Variants in POU2F2 observed in about 807,000 individuals in gnomAD.
POU2F2 encodes the protein POU class 2 homeobox 2.
Under a neutral mutation model 63.5 loss-of-function variants are expected in POU2F2, and 14 were observed. That is an observed-to-expected ratio of 0.22 (90% CI 0.15 to 0.34). The LOEUF (loss-of-function observed/expected upper bound fraction) is 0.34. Among genes scored for constraint, POU2F2 ranks in the 10% least tolerant of loss-of-function variants. POU2F2 has a pLI of 1.00. For missense variants in POU2F2, 607 were observed against 815.2 expected (o/e 0.74, Z 3.11); for synonymous variants, 306 against 348.6 (o/e 0.88, Z 1.36).
In POU2F2 at chr19:42,156,097, G is replaced by A. The variant is rs1028856747; in HGVS notation, c.-9+4235C>T. 1 of 152,156 alleles carries A rather than the reference G, an allele frequency of 6.6e-6. No individual in the cohort carries two copies. The highest frequency in any genetic ancestry group is 1.5e-5 in the Non-Finnish European group (1 of 68,044). 9.4% of individuals were successfully genotyped at this position (152,156 alleles called of 1,614,324 possible). A position where few individuals can be genotyped will look rare whatever the true frequency, so the allele number is the denominator to read the frequency against. On this transcript the variant is annotated intron_variant, in intron 2 of 6. Transcript: ENST00000524801. This position sits in a 1 kb window ranked among gnomAD's most constrained non-coding sequence, Gnocchi z 4.1. ...CCTCACCAGTGCTTCGAAGAGCCCT[G>A]AGGAACGTCTCTCTATTTGAAGTCA...
chr19:42,161,918 T>C (rs1389893087), intron 1 of POU2F2, among the ~76,000 whole-genome samples: 1 of 152,182 alleles, frequency 6.6e-6, no homozygotes, highest in Non-Finnish European at 1.5e-5. Context: ...CCGGGATCAA[T>C]AGGAAATTTA....
At chr19:42,157,596 G>C (rs1249306569) in intron 2 of POU2F2, 2 of 152,288 alleles carry the variant, frequency 1.3e-5, no homozygotes, top group Non-Finnish European at 2.9e-5. Flanking sequence ...GCCAGGGACT[G>C]AGTATAGACA....
chr19:42,097,318 C>A lies in POU2F2; in HGVS notation c.568-1075G>T, dbSNP rs1263499741. 3.9e-5 allele frequency among the ~76,000 whole-genome samples: 6 copies of A among 151,966 alleles called. No individual in the cohort carries two copies. In the East Asian group the frequency reaches 5.8e-4, roughly 15 times the overall value. On this transcript the variant is annotated intron_variant, in intron 7 of 14. Coordinates refer to ENST00000692977, the MANE Select transcript of POU2F2 (RefSeq NM_001394376.1). Reference sequence around the variant, plus strand: ...GTTCAAGTGATACTCCTGCCTCAGCCTCCCGAGTAGCTGGGATTATAGGCA... The same window carrying A: ...GTTCAAGTGATACTCCTGCCTCAGCATCCCGAGTAGCTGGGATTATAGGCA...
In POU2F2 at chr19:42,156,719, C is replaced by T. The variant is rs2034462781; in HGVS notation, c.-9+3613G>A. Reference sequence around the variant, plus strand: ...TGGCTTCTCCGGCTTGTCTGAAGAACCTGAACTGCCCTTAAGGCCTGCGCC... The same window carrying T: ...TGGCTTCTCCGGCTTGTCTGAAGAATCTGAACTGCCCTTAAGGCCTGCGCC... On this transcript the variant is annotated intron_variant, in intron 2 of 6. Coordinates refer to the POU2F2 transcript ENST00000524801. This position sits in a 1 kb window ranked among gnomAD's most constrained non-coding sequence, Gnocchi z 4.1. 1 of 152,228 alleles carries T rather than the reference C, an allele frequency of 6.6e-6. No homozygotes were observed. The highest frequency in any genetic ancestry group is 1.5e-5 in the Non-Finnish European group (1 of 68,068). The allele number at this position is 152,228 out of a possible 1,614,324, so 9.4% of individuals were successfully genotyped here.
At chr19:42,122,093 C>A (rs2032688780) in intron 4 of POU2F2, 33 bp downstream of exon 4, 2 of 1,590,064 alleles carry the variant, frequency 1.3e-6, no homozygotes. Flanking sequence ...CCAAGCGCTG[C>A]CCACTTCCCT....
intron 2 of POU2F2, among the ~76,000 whole-genome samples, chr19:42,137,618 C>T (rs899813001): frequency 4.6e-5 from 7 of 151,620 alleles, no homozygotes; most frequent in African/African-American, 1.2e-4. Context: ...CCCAGCTACT[C>T]GAGAGGCTGA....
chr19:42,131,771 A>C (rs2033756962), intron 1 of POU2F2, among the ~76,000 whole-genome samples: 1 of 152,184 alleles, frequency 6.6e-6, no homozygotes, highest in African/African-American at 2.4e-5. Flanking sequence ...TGACAGGATC[A>C]GTGCCAGTTT....
At chr19:42,150,149 G>A (rs919085539) in intron 2 of POU2F2, among the ~76,000 whole-genome samples, 3 of 151,990 alleles carry the variant, frequency 2.0e-5, no homozygotes, top group Non-Finnish European at 4.4e-5. Context: ...TGTGGCCATC[G>A]TCTCCCTGCC....
At chr19:42,177,979 G>A (rs2034916355), upstream of POU2F2, among the ~76,000 whole-genome samples, 1 of 151,936 alleles carries the variant, frequency 6.6e-6, no homozygotes, top group Non-Finnish European at 1.5e-5. Context: ...AGGGTGGGGA[G>A]CACAGGGGAC....
At chr19:42,098,894 C>G (rs1021166864) in intron 7 of POU2F2, among the ~76,000 whole-genome samples, 1 of 152,214 alleles carries the variant, frequency 6.6e-6, no homozygotes, top group Non-Finnish European at 1.5e-5. Context: ...GCCTGGAGAG[C>G]TGGCACCCTC....
At chr19:42,190,910 G>GA (rs1465715213) in intron 1 of POU2F2, among the ~76,000 whole-genome samples, 8 of 151,878 alleles carry the variant, frequency 5.3e-5, no homozygotes, top group Non-Finnish European at 8.8e-5. Flanking sequence ...GGTTAAGTGT[G>GA]TAACCTGAAA....
intron 1 of POU2F2, among the ~76,000 whole-genome samples, chr19:42,195,104 AGGG>A (rs1227750388): frequency 3.2e-4 from 21 of 65,168 alleles, no homozygotes; most frequent in East Asian, 2.2e-3. Context: ...GAAGGAAGGG[AGGG>A]AGGGAGGGAG....
In POU2F2 at chr19:42,153,590, G is replaced by A. The variant is rs924660860; in HGVS notation, c.-9+6742C>T. 6.6e-5 allele frequency among the ~76,000 whole-genome samples: 10 copies of A among 152,120 alleles called. No individual in the cohort carries two copies. The highest frequency in any genetic ancestry group is 1.9e-4 in the East Asian group (1 of 5,190). Reference sequence around the variant, plus strand: ...AGCTGCGTGTGCTTCAGGGATCTGCGCGGTGGTCTCTATGTGTACTGGAAG... The same window carrying A: ...AGCTGCGTGTGCTTCAGGGATCTGCACGGTGGTCTCTATGTGTACTGGAAG... On this transcript the variant is annotated intron_variant, in intron 2 of 6. Coordinates refer to the POU2F2 transcript ENST00000524801. This position sits in a 1 kb window ranked among gnomAD's most constrained non-coding sequence, Gnocchi z 5.6.
intron 1 of POU2F2, among the ~76,000 whole-genome samples, chr19:42,128,492 A>G (rs968468166): frequency 6.6e-6 from 1 of 152,114 alleles, no homozygotes; most frequent in Non-Finnish European, 1.5e-5. Flanking sequence ...AAAATGGCCA[A>G]CTGCTGCCCT....
At chr19:42,098,281 C>T (rs981921622) in intron 7 of POU2F2, among the ~76,000 whole-genome samples, 2 of 151,812 alleles carry the variant, frequency 1.3e-5, no homozygotes, top group Non-Finnish European at 2.9e-5. Context: ...GGTGTGGTGG[C>T]GCATGCTTGT....
chr19:42,188,320 G>A (rs1160095514), intron 1 of POU2F2, among the ~76,000 whole-genome samples: 5 of 150,870 alleles, frequency 3.3e-5, no homozygotes, highest in Admixed American at 1.3e-4. Flanking sequence ...GAGCTGAAAC[G>A]GTGCCACTGC....
intron 1 of POU2F2, among the ~76,000 whole-genome samples, chr19:42,161,943 G>A (rs1490186524): frequency 6.6e-6 from 1 of 152,206 alleles, no homozygotes; most frequent in East Asian, 1.9e-4. Context: ...TCGATGCAGC[G>A]CGCAGGGCAA....
In POU2F2 at chr19:42,155,140, C is replaced by A. The variant is rs564590445; in HGVS notation, c.-9+5192G>T. On this transcript the variant is annotated intron_variant, in intron 2 of 6. Coordinates refer to the POU2F2 transcript ENST00000524801. The surrounding 1 kb of genome is among the most constrained non-coding windows in gnomAD (Gnocchi z 4.2). ...TGCCCACCTGCCTCAGCTGCAGCTGCCCCGCACTGTTTTTTCTTTCTCATT... is the reference window on the plus strand; with the variant it reads ...TGCCCACCTGCCTCAGCTGCAGCTGACCCGCACTGTTTTTTCTTTCTCATT... Among the ~76,000 whole-genome samples the A allele has an allele frequency of 5.3e-5, 8 of 152,320 alleles. No individual in the cohort carries two copies. The highest frequency in any genetic ancestry group is 2.0e-4 in the Admixed American group (3 of 15,308).
At chr19:42,119,694 G>A (rs900678749) in intron 4 of POU2F2, among the ~76,000 whole-genome samples, 4 of 152,012 alleles carry the variant, frequency 2.6e-5, no homozygotes, top group Non-Finnish European at 5.9e-5. Flanking sequence ...AACCCAGGAG[G>A]TGGAGGTTGC....
Sources: allele counts gnomAD v4.1 joint callset (sites outside exome capture counted in the v4.1 genomes callset), GRCh38; gene constraint gnomAD v4.1.1; non-coding constraint Gnocchi (gnomAD v3.1); transcripts MANE v1.5; gene names NCBI Gene and HGNC (gene_info 2026-07-23, HGNC 2026-07-21).